The following GAN variants were observed in gnomAD, a reference collection of about 807,000 sequenced individuals.
GAN encodes the protein gigaxonin, also known as epididymis secretory sperm binding protein.
A neutral mutation model predicts 71.3 loss-of-function variants in GAN; 48 were observed. The observed-to-expected ratio is 0.67, with a 90% confidence interval of 0.53 to 0.86. The LOEUF is 0.86. GAN is among the 40% of genes least tolerant of loss of function. GAN has a pLI of 0.00. For missense variants in GAN, 928 were observed against 770.1 expected (o/e 1.21, Z -2.43); for synonymous variants, 386 against 276.8 (o/e 1.39, Z -3.92).
At chr16:81,365,580 A>T in intron 9 of GAN, 102 bp downstream of exon 9, 1 of 1,189,950 alleles carries the variant, frequency 8.4e-7, no homozygotes, top group East Asian at 2.3e-5. Flanking sequence ...TTATTAAATT[A>T]TGGATTTAGG....
intron 5 of GAN, among the ~76,000 whole-genome samples, chr16:81,358,609 AAAAAAAAAAG>A (rs1350670858): frequency 6.7e-6 from 1 of 148,638 alleles, no homozygotes; most frequent in Non-Finnish European, 1.5e-5. Flanking sequence ...ACCCTGTCTC[AAAAAAAAAAG>A]AAAAAAAAAG....
intron 1 of GAN, among the ~76,000 whole-genome samples, chr16:81,343,323 ATTT>A (rs2150679058): frequency 6.6e-6 from 1 of 152,302 alleles, no homozygotes; most frequent in Non-Finnish European, 1.5e-5. Context: ...ACAAAAGAGA[ATTT>A]TAGGCCAATA....
chr16:81,344,795 T>C (rs1476338451), intron 1 of GAN, among the ~76,000 whole-genome samples: 1 of 152,062 alleles, frequency 6.6e-6, no homozygotes, highest in Non-Finnish European at 1.5e-5. Flanking sequence ...CAAAAGAAAC[T>C]ACCCTCAGAG....
chr16:81,364,984 A>T lies in GAN; in HGVS notation c.1247A>T (p.Tyr416Phe), dbSNP rs1910802299. The T allele has an allele frequency of 6.2e-7, 1 of 1,613,856 alleles. No individual in the cohort carries two copies. Among genetic ancestry groups the T allele is most frequent in the African/African-American group, 1.3e-5 (1 of 74,918 alleles). The change falls in exon 8 of 11, where the codon TAT becomes TTT. Residue 416 changes from tyrosine (Y) to phenylalanine (F), a missense_variant. By Grantham distance (22) the Tyr-to-Phe change is conservative (BLOSUM62 3). Transcript: ENST00000648994. ...GTTCTCTGCTTTCAGATCGGCTGCTATGCAGCTATGAAAAAGAAAATCTAC... is the reference window on the plus strand; with the variant it reads ...GTTCTCTGCTTTCAGATCGGCTGCTTTGCAGCTATGAAAAAGAAAATCTAC... ...DLTMVRKIGC[Y>F]AAMKKKIYAM...
intron 2 of GAN, among the ~76,000 whole-genome samples, chr16:81,353,107 C>T (rs576875513): frequency 2.0e-4 from 31 of 152,110 alleles, no homozygotes; most frequent in African/African-American, 4.6e-4. Context: ...CTGGCTAACA[C>T]GGTGAAACCC....
chr16:81,335,387 C>T (rs867374510), intron 1 of GAN, among the ~76,000 whole-genome samples: 5 of 151,970 alleles, frequency 3.3e-5, no homozygotes, highest in South Asian at 2.1e-4. Flanking sequence ...GAGGCCGAGG[C>T]GGGCATATCA....
chr16:81,370,257 A>C (rs779819150), intron 9 of GAN, among the ~76,000 whole-genome samples: 1 of 152,190 alleles, frequency 6.6e-6, no homozygotes, highest in Non-Finnish European at 1.5e-5. Flanking sequence ...TTTGTATCTT[A>C]TGGTTAGGAA....
chr16:81,353,030 G>T (rs1469432050), intron 2 of GAN, among the ~76,000 whole-genome samples: 2 of 152,186 alleles, frequency 1.3e-5, no homozygotes, highest in Admixed American at 6.5e-5. Flanking sequence ...GGTGGCTCAC[G>T]CCTGTAATCC....
Position 81,384,433 on chromosome 16 carries a change from T to A in GAN, c.*6837T>A, listed in dbSNP as rs958122814. 5.9e-5 allele frequency: 9 copies of A among 152,140 alleles called. No homozygotes were observed. The highest frequency in any genetic ancestry group is 2.2e-4 in the African/African-American group (9 of 41,456). 9.4% of individuals were successfully genotyped at this position (152,140 alleles called of 1,614,324 possible). Reference sequence around the variant, plus strand: ...AAGAGTCTTTAAAAGGCTGTTTTCATAATGCAGAAAAGTAGTCTATTTAAA... The same window carrying A: ...AAGAGTCTTTAAAAGGCTGTTTTCAAAATGCAGAAAAGTAGTCTATTTAAA... On this transcript the variant is annotated 3_prime_UTR_variant, in exon 11 of 11. Transcript: ENST00000648994.
intron 3 of GAN, 61 bp from the exon 4 acceptor site, chr16:81,356,724 C>G (rs1465006835): frequency 1.7e-6 from 2 of 1,151,674 alleles, no homozygotes; most frequent in African/African-American, 3.0e-5. Flanking sequence ...AATGTAGATT[C>G]TAAAAATGAT....
intron 1 of GAN, among the ~76,000 whole-genome samples, chr16:81,341,091 G>GA (rs1219689635): frequency 1.3e-5 from 2 of 151,628 alleles, no homozygotes; most frequent in South Asian, 2.1e-4. Flanking sequence ...CAAGATTAGA[G>GA]AAAAAAGGAG....
At chr16:81,373,832 T>C (rs1904274600) in intron 9 of GAN, among the ~76,000 whole-genome samples, 1 of 152,220 alleles carries the variant, frequency 6.6e-6, no homozygotes. Flanking sequence ...AACCTCCGCC[T>C]CCTGGGTTCA....
intron 9 of GAN, among the ~76,000 whole-genome samples, chr16:81,372,828 C>G (rs1285068067): frequency 6.6e-6 from 1 of 152,208 alleles, no homozygotes; most frequent in African/African-American, 2.4e-5. Flanking sequence ...CAAACATTAT[C>G]TTTCAAAGGT....
Position 81,315,293 on chromosome 16 carries a change from C to G in GAN, c.167+13C>G. ...GCCCGTACATCAGGTGGGGAGGGGG[C>G]TACGGCGGGCGGGCGCGGCGGTGCT... On this transcript the variant is annotated intron_variant, in intron 1 of 10. Coordinates refer to ENST00000648994, the MANE Select transcript of GAN (RefSeq NM_022041.4). The G allele has an allele frequency of 3.3e-6, 5 of 1,512,084 alleles. No individual in the cohort carries two copies. The highest frequency in any genetic ancestry group is 4.4e-6 in the Non-Finnish European group (5 of 1,127,640). The allele number at this position is 1,512,084 out of a possible 1,614,324, so 93.7% of individuals were successfully genotyped here. A position where few individuals can be genotyped will look rare whatever the true frequency, so the allele number is the denominator to read the frequency against.
At chr16:81,336,147 T>C (rs923558527) in intron 1 of GAN, among the ~76,000 whole-genome samples, 4 of 152,186 alleles carry the variant, frequency 2.6e-5, no homozygotes, top group Non-Finnish European at 5.9e-5. Flanking sequence ...CTCATGGAGC[T>C]GTATGGAGGG....
At chr16:81,327,995 T>C (rs1380239046) in intron 1 of GAN, among the ~76,000 whole-genome samples, 3 of 152,252 alleles carry the variant, frequency 2.0e-5, no homozygotes, top group African/African-American at 7.2e-5. Flanking sequence ...GAATCAGACT[T>C]GTTTCATTGA....
intron 1 of GAN, among the ~76,000 whole-genome samples, chr16:81,335,621 C>T (rs966093275): frequency 5.3e-5 from 8 of 151,910 alleles, no homozygotes; most frequent in African/African-American, 1.7e-4. Flanking sequence ...GTGGCGCACA[C>T]TTGCAATCCC....
chr16:81,386,295 A>G lies in GAN; in HGVS notation c.*8699A>G, dbSNP rs1904398913. The G allele has an allele frequency of 6.6e-6, 1 of 152,218 alleles. No homozygotes were observed. The highest frequency in any genetic ancestry group is 2.4e-5 in the African/African-American group (1 of 41,452). 9.4% of individuals were successfully genotyped at this position (152,218 alleles called of 1,614,324 possible). A position where few individuals can be genotyped will look rare whatever the true frequency, so the allele number is the denominator to read the frequency against. On this transcript the variant is annotated 3_prime_UTR_variant, in exon 11 of 11. Coordinates refer to ENST00000648994, the MANE Select transcript of GAN (RefSeq NM_022041.4). ...CAAAGGTAGTAATCTGTATTGGTCA[A>G]AGAAACGAGATAATTCCTAGATCTC...
intron 9 of GAN, among the ~76,000 whole-genome samples, chr16:81,376,437 T>A (rs1904279852): frequency 6.7e-6 from 1 of 149,720 alleles, no homozygotes; most frequent in Non-Finnish European, 1.5e-5. Flanking sequence ...CTGGGCAACA[T>A]GGCAATATCC....
Sources: allele counts gnomAD v4.1 joint callset (sites outside exome capture counted in the v4.1 genomes callset), GRCh38; gene constraint gnomAD v4.1.1; transcripts MANE v1.5; gene names NCBI Gene and HGNC (gene_info 2026-07-23, HGNC 2026-07-21).